KATNIP: variants seen among roughly 807,000 people sequenced by gnomAD.
The protein encoded by KATNIP is katanin interacting protein.
In KATNIP, 126 loss-of-function variants were observed where a neutral mutation model predicts 174.0. That is an observed-to-expected ratio of 0.72 (90% CI 0.63 to 0.84). The LOEUF (loss-of-function observed/expected upper bound fraction) is 0.84. Ranked by LOEUF, KATNIP falls within the 40% of genes least tolerant of loss-of-function variation. The probability of loss-of-function intolerance (pLI) is 0.00; values close to 1 mark genes in which losing one functional copy is unlikely to be tolerated. For missense variants in KATNIP, 1,958 were observed against 2,109.7 expected, an observed-to-expected ratio of 0.93 and a Z score of 1.41; for synonymous variants, 810 against 835.7, an observed-to-expected ratio of 0.97 and a Z score of 0.53.
At chr16:27,587,266 A>T (rs2090938914) in intron 2 of KATNIP, among the ~76,000 whole-genome samples, 2 of 152,308 alleles carry the variant, frequency 1.3e-5, no homozygotes, top group Non-Finnish European at 2.9e-5. Context: ...TTTGCTGTTT[A>T]TTATTCATTG....
At chr16:27,722,797 C>G (rs568673207) in intron 14 of KATNIP, among the ~76,000 whole-genome samples, 1 of 152,346 alleles carries the variant, frequency 6.6e-6, no homozygotes, top group South Asian at 2.1e-4. Flanking sequence ...GCCAGTTCTG[C>G]TAGATCTTCC....
intron 18 of KATNIP, chr16:27,754,552 A>G (rs2081644137): frequency 5.6e-6 from 2 of 355,242 alleles, no homozygotes; most frequent in Non-Finnish European, 1.0e-5. Context: ...CAGGAGGTGT[A>G]GTTGGCACCC....
chr16:27,610,560 C>G (rs1382658495), intron 2 of KATNIP, among the ~76,000 whole-genome samples: 1 of 152,130 alleles, frequency 6.6e-6, no homozygotes, highest in Non-Finnish European at 1.5e-5. Context: ...GGACCCCCTG[C>G]AGGGATCCCT....
Position 27,713,809 on chromosome 16 carries a change from CATATATATATATATATATAT to C in KATNIP, c.1605+4918_1605+4937del, listed in dbSNP as rs60005285. ...ATATATGTGTGTGTGTGTGTATATACATATATATATATATATATATATATATATATATATATATATATATA... is the reference window on the plus strand; with the variant it reads ...ATATATGTGTGTGTGTGTGTATATACATATATATATATATATATATATATA... On this transcript the variant is annotated intron_variant, in intron 13 of 27. Transcript: ENST00000261588. Among the ~76,000 whole-genome samples, 217 of 33,354 alleles carry C rather than the reference CATATATATATATATATATAT, an allele frequency of 6.5e-3. 6 individuals are homozygous for C. Among genetic ancestry groups the C allele is most frequent in the South Asian group, 0.017 (15 of 862 alleles). 21.9% of individuals were successfully genotyped at this position (33,354 alleles called of 152,430 possible).
At chr16:27,770,142 C>A in intron 21 of KATNIP, 124 bp downstream of exon 21, 1 of 1,136,196 alleles carries the variant, frequency 8.8e-7, no homozygotes, top group Non-Finnish European at 1.3e-6. Flanking sequence ...TGCTTTTCAA[C>A]TTAGTCATTT....
chr16:27,609,421 C>T (rs200775521), intron 2 of KATNIP, among the ~76,000 whole-genome samples: 11 of 114,906 alleles, frequency 9.6e-5, no homozygotes, highest in Admixed American at 1.2e-4. Context: ...GACGGAGTCT[C>T]GCTTTGTTGC....
intron 13 of KATNIP, among the ~76,000 whole-genome samples, chr16:27,715,444 G>A (rs1597269238): frequency 6.6e-6 from 1 of 152,176 alleles, no homozygotes; most frequent in African/African-American, 2.4e-5. Flanking sequence ...GGATAAGTCA[G>A]ACTTCATCAA....
chr16:27,563,776 CA>C (rs2089978338), intron 1 of KATNIP, among the ~76,000 whole-genome samples: 1 of 150,954 alleles, frequency 6.6e-6, no homozygotes, highest in South Asian at 2.1e-4. Context: ...TGGTCACATG[CA>C]GTGGCTCATG....
intron 1 of KATNIP, among the ~76,000 whole-genome samples, chr16:27,565,448 A>G (rs1304045650): frequency 6.6e-6 from 1 of 150,968 alleles, no homozygotes; most frequent in African/African-American, 2.4e-5. Flanking sequence ...CCTGGGCGAC[A>G]GAGTGAGACT....
intron 22 of KATNIP, 148 bp from the exon 23 acceptor site, chr16:27,772,951 T>G: frequency 1.7e-6 from 1 of 600,844 alleles, no homozygotes; most frequent in Non-Finnish European, 3.0e-6. Context: ...TACCTATATT[T>G]TGATAGGCTC....
At chr16:27,663,536 T>G (rs1384685623) in intron 6 of KATNIP, among the ~76,000 whole-genome samples, 1 of 151,694 alleles carries the variant, frequency 6.6e-6, no homozygotes, top group Non-Finnish European at 1.5e-5. Flanking sequence ...GCAACCTCCG[T>G]CTCCCAGGCT....
intron 3 of KATNIP, among the ~76,000 whole-genome samples, chr16:27,625,439 G>A (rs186379511): frequency 6.6e-6 from 1 of 152,302 alleles, no homozygotes; most frequent in African/African-American, 2.4e-5. Context: ...CTAGGCTCCT[G>A]CTCCCTCCCT....
intron 14 of KATNIP, among the ~76,000 whole-genome samples, chr16:27,725,363 A>C (rs1168893327): frequency 6.6e-6 from 1 of 152,188 alleles, no homozygotes; most frequent in Non-Finnish European, 1.5e-5. Context: ...CTCGGATGGG[A>C]AACAGCTTGC....
At chr16:27,707,966 G>C (rs1328891273) in intron 12 of KATNIP, among the ~76,000 whole-genome samples, 4 of 151,638 alleles carry the variant, frequency 2.6e-5, no homozygotes, top group Admixed American at 2.6e-4. Context: ...ATATTCTGAG[G>C]TACTGGGGAT....
At chr16:27,582,079 G>A (rs544245307) in intron 2 of KATNIP, among the ~76,000 whole-genome samples, 171 of 152,208 alleles carry the variant, frequency 1.1e-3, no homozygotes, top group African/African-American at 3.6e-3. Flanking sequence ...CCCTGAGCTC[G>A]TAAGATTTGT....
intron 6 of KATNIP, among the ~76,000 whole-genome samples, chr16:27,666,737 CAG>C (rs1028819882): frequency 5.3e-5 from 8 of 152,196 alleles, no homozygotes; most frequent in East Asian, 3.9e-4. Context: ...TTAAAATATG[CAG>C]AGTTAGGACA....
rs1233334650 is a variant in KATNIP at position 27,563,745 on chromosome 16, C to G, written c.8-10156C>G. The stretch of plus-strand genomic sequence containing the variant: ...GCAAGAGTGGAGGCAGGGATACCTA[C>G]TAGGTGGCTGTTGAAAAAGTTGGTC... On this transcript the variant is annotated intron_variant, in intron 1 of 27. Coordinates refer to ENST00000261588, the MANE Select transcript of KATNIP (RefSeq NM_015202.5). Among the ~76,000 whole-genome samples, 5 of 151,892 alleles carry G rather than the reference C, an allele frequency of 3.3e-5. No individual in the cohort carries two copies. The East Asian group carries it at 9.7e-4, about 29-fold the overall frequency.
At chr16:27,753,137 T>C (rs1427180887) in intron 17 of KATNIP, among the ~76,000 whole-genome samples, 4 of 151,384 alleles carry the variant, frequency 2.6e-5, no homozygotes, top group Non-Finnish European at 4.4e-5. Flanking sequence ...TGCGTGCCCC[T>C]CCCCCTCCCC....
chr16:27,682,546 A>C (rs2078385633), intron 8 of KATNIP, among the ~76,000 whole-genome samples: 1 of 152,156 alleles, frequency 6.6e-6, no homozygotes, highest in African/African-American at 2.4e-5. Flanking sequence ...CTCAGTCTCG[A>C]TGTTACCAGG....
Sources: gnomAD v4.1 joint callset for allele counts (sites outside exome capture counted in the v4.1 genomes callset) on GRCh38, gnomAD v4.1.1 for gene constraint, MANE v1.5 for transcripts, NCBI Gene and HGNC (gene_info 2026-07-23, HGNC 2026-07-21) for gene names.